SYCP2L: variants seen among roughly 807,000 people sequenced by gnomAD.
The protein encoded by SYCP2L is synaptonemal complex protein 2 like.
Under a neutral mutation model 125.8 loss-of-function variants are expected in SYCP2L, and 98 were observed. That is an observed-to-expected ratio of 0.78 (90% CI 0.66 to 0.92). The LOEUF (loss-of-function observed/expected upper bound fraction) is 0.92. Among genes scored for constraint, SYCP2L ranks in the 40% least tolerant of loss-of-function variants. The pLI, the probability that SYCP2L is intolerant of heterozygous loss-of-function variation, is 0.00. For synonymous variants in SYCP2L, 317 were observed against 325.4 expected (o/e 0.97, Z 0.28); for missense variants, 842 against 936.4 (o/e 0.90, Z 1.32).
At chr6:10,943,619 G>A (rs947440482) in intron 23 of SYCP2L, among the ~76,000 whole-genome samples, 5 of 152,214 alleles carry the variant, frequency 3.3e-5, no homozygotes, top group Non-Finnish European at 5.9e-5. Context: ...CTAGAAAATT[G>A]CCATTGGCTT....
At chr6:10,966,288 A>G (rs9468125) in intron 29 of SYCP2L, among the ~76,000 whole-genome samples, 8,340 of 152,232 alleles carry the variant, frequency 0.055, 745 homozygotes, top group African/African-American at 0.19. Context: ...TTACCAGTAG[A>G]TCTAGGGAGA....
In SYCP2L at chr6:10,958,768, T is replaced by A. The variant is rs376001617; in HGVS notation, c.2164-16T>A. 4 of 1,600,282 alleles carry A rather than the reference T, an allele frequency of 2.5e-6. No homozygotes were observed. In the African/African-American group the frequency reaches 5.4e-5, roughly 22 times the overall value. ...ATATTAAATGTGATCATCTTGTTAT[T>A]GTTGTTATGATTTAGCTTAGGTACA... On this transcript the variant is annotated splice_polypyrimidine_tract_variant and intron_variant, in intron 25 of 29. Transcript: ENST00000283141.
chr6:10,903,243 G>A (rs958696886), intron 8 of SYCP2L, among the ~76,000 whole-genome samples: 8 of 152,102 alleles, frequency 5.3e-5, no homozygotes, highest in Admixed American at 4.6e-4. Context: ...GACCATCCTG[G>A]CTAATATGGC....
intron 26 of SYCP2L, 104 bp from the exon 27 acceptor site, chr6:10,961,201 T>A (rs1781586918): frequency 1.1e-6 from 1 of 872,522 alleles, no homozygotes. Context: ...AAGAAATGTC[T>A]GGAGAAGAGT....
At chr6:10,898,421 G>C (rs1171537755) in intron 5 of SYCP2L, among the ~76,000 whole-genome samples, 1 of 152,168 alleles carries the variant, frequency 6.6e-6, no homozygotes, top group Non-Finnish European at 1.5e-5. Flanking sequence ...GCTGAGGCAG[G>C]AGAATCGCTT....
Position 10,906,067 on chromosome 6 carries a change from A to G in SYCP2L, c.676+13A>G. On this transcript the variant is annotated intron_variant, in intron 9 of 29. Coordinates refer to ENST00000283141, the MANE Select transcript of SYCP2L (RefSeq NM_001040274.3). ...TTGACTGTGGGTGGTAAGAAATTTT[A>G]GAATTTTCAGTATTAGAATATTAAA... The G allele has an allele frequency of 2.2e-5, 34 of 1,552,764 alleles. No individual in the cohort carries two copies. Among genetic ancestry groups the G allele is most frequent in the Non-Finnish European group, 3.0e-5 (34 of 1,125,926 alleles).
intron 9 of SYCP2L, among the ~76,000 whole-genome samples, chr6:10,907,135 G>C (rs937148855): frequency 1.3e-5 from 2 of 151,978 alleles, no homozygotes; most frequent in African/African-American, 4.8e-5. Context: ...CTTGAACCCA[G>C]AAGTTCAAGA....
At chr6:10,961,994 G>T (rs1781601499) in intron 28 of SYCP2L, among the ~76,000 whole-genome samples, 1 of 152,014 alleles carries the variant, frequency 6.6e-6, no homozygotes, top group African/African-American at 2.4e-5. Context: ...TCCTGCTGTG[G>T]CTCCCTGCAC....
intron 10 of SYCP2L, among the ~76,000 whole-genome samples, chr6:10,909,770 A>T (rs1011136212): frequency 1.3e-5 from 2 of 152,242 alleles, no homozygotes; most frequent in African/African-American, 4.8e-5. Flanking sequence ...AGTGCTGTGC[A>T]GGTGTTAGGG....
intron 21 of SYCP2L, among the ~76,000 whole-genome samples, chr6:10,941,421 T>C (rs1356029112): frequency 1.3e-5 from 2 of 152,012 alleles, no homozygotes; most frequent in African/African-American, 4.8e-5. Flanking sequence ...AGGGCTAATA[T>C]CCAGAATCTA....
intron 14 of SYCP2L, among the ~76,000 whole-genome samples, chr6:10,919,077 A>G (rs1031428259): frequency 6.6e-6 from 1 of 152,138 alleles, no homozygotes; most frequent in East Asian, 1.9e-4. Flanking sequence ...TTTCAGGTAC[A>G]TCAGGGATTT....
At chr6:10,925,996 A>C (rs769510159) in intron 15 of SYCP2L, among the ~76,000 whole-genome samples, 56 of 152,238 alleles carry the variant, frequency 3.7e-4, no homozygotes, top group Non-Finnish European at 7.2e-4. Context: ...ATAGTTGGGA[A>C]CTCACTACAG....
intron 21 of SYCP2L, among the ~76,000 whole-genome samples, chr6:10,938,139 T>G (rs1781135148): frequency 6.6e-6 from 1 of 152,192 alleles, no homozygotes; most frequent in African/African-American, 2.4e-5. Context: ...ATGTCTCTGA[T>G]GAACGTATAT....
At chr6:10,942,972 G>T (rs1781250558) in intron 23 of SYCP2L, among the ~76,000 whole-genome samples, 1 of 152,052 alleles carries the variant, frequency 6.6e-6, no homozygotes, top group African/African-American at 2.4e-5. Context: ...CTTGTGCCAA[G>T]GAAGGTATAG....
At chr6:10,903,997 C>T (rs991934788) in intron 8 of SYCP2L, among the ~76,000 whole-genome samples, 2 of 152,150 alleles carry the variant, frequency 1.3e-5, no homozygotes, top group African/African-American at 4.8e-5. Context: ...TGTCTATGAG[C>T]ACAGCTCTAA....
chr6:10,955,714 A>G (rs1463252951), intron 24 of SYCP2L, among the ~76,000 whole-genome samples: 1 of 152,216 alleles, frequency 6.6e-6, no homozygotes, highest in East Asian at 1.9e-4. Context: ...TGCAAGACTT[A>G]TGCAAGCTCT....
intron 1 of SYCP2L, among the ~76,000 whole-genome samples, chr6:10,889,812 G>A (rs775873956): frequency 3.7e-4 from 57 of 152,030 alleles, no homozygotes; most frequent in Non-Finnish European, 6.5e-4. Flanking sequence ...TAGAGACAGG[G>A]TTTTGTCATG....
At chr6:10,887,671 C>T (rs1416525225) in intron 1 of SYCP2L, among the ~76,000 whole-genome samples, 1 of 151,984 alleles carries the variant, frequency 6.6e-6, no homozygotes, top group Admixed American at 6.6e-5. Flanking sequence ...ATTCTTCTGC[C>T]TGGGTTCCTG....
intron 20 of SYCP2L, among the ~76,000 whole-genome samples, chr6:10,933,408 C>T (rs1246984250): frequency 6.6e-6 from 1 of 152,188 alleles, no homozygotes; most frequent in Admixed American, 6.5e-5. Flanking sequence ...TGATACAGAG[C>T]AGTGGTTCTC....
Sources: gnomAD v4.1 joint callset for allele counts (sites outside exome capture counted in the v4.1 genomes callset) on GRCh38, gnomAD v4.1.1 for gene constraint, MANE v1.5 for transcripts, NCBI Gene and HGNC (gene_info 2026-07-23, HGNC 2026-07-21) for gene names.